ZBTB25: variants seen among roughly 807,000 people sequenced by gnomAD.
The protein encoded by ZBTB25 is zinc finger and BTB domain-containing protein 25.
ZBTB25 carries 20 observed loss-of-function variants against 34.2 expected under a neutral mutation model. The ratio of observed to expected loss-of-function variants is 0.58; its 90% confidence interval spans 0.41 to 0.85. The LOEUF (loss-of-function observed/expected upper bound fraction) is 0.85. Among genes scored for constraint, ZBTB25 ranks in the 40% least tolerant of loss-of-function variants. The pLI is 0.00. For missense variants in ZBTB25, 437 were observed against 521.8 expected (o/e 0.84, Z 1.58); for synonymous variants, 175 against 186.4 (o/e 0.94, Z 0.50).
rs891858580 is a variant in ZBTB25 at position 64,486,850 on chromosome 14, T to C, written c.*73A>G. ...AGTCAATGAAACTTGAGGAGGAAAA[T>C]AATTTATGAATTAAAAATGCCACGC... On this transcript the variant is annotated 3_prime_UTR_variant, in exon 3 of 3. Coordinates refer to ENST00000608382, the MANE Select transcript of ZBTB25 (RefSeq NM_006977.5). 6 of 1,490,518 alleles carry C rather than the reference T, an allele frequency of 4.0e-6. No individual in the cohort carries two copies. In the East Asian group the frequency reaches 9.5e-5, roughly 23 times the overall value. The allele number at this position is 1,490,518 out of a possible 1,614,324, so 92.3% of individuals were successfully genotyped here.
downstream of ZBTB25, among the ~76,000 whole-genome samples, chr14:64,477,179 C>T (rs2141010295): frequency 6.6e-6 from 1 of 152,208 alleles, no homozygotes; most frequent in Non-Finnish European, 1.5e-5. Context: ...AGTGTTTAAA[C>T]CAGGATAAGG....
At chr14:64,498,944 T>C (rs920490853) in intron 1 of ZBTB25, among the ~76,000 whole-genome samples, 1 of 152,212 alleles carries the variant, frequency 6.6e-6, no homozygotes, top group African/African-American at 2.4e-5. Context: ...CAGATTCTTT[T>C]TTTAAAAAGC....
Position 64,485,851 on chromosome 14 carries a change from T to C in ZBTB25, c.*1072A>G. The C allele has an allele frequency of 1.0e-6, 1 of 985,424 alleles. No individual in the cohort carries two copies. Among genetic ancestry groups the C allele is most frequent in the South Asian group, 4.7e-5 (1 of 21,286 alleles). The allele number at this position is 985,424 out of a possible 1,614,324, so 61.0% of individuals were successfully genotyped here. On this transcript the variant is annotated 3_prime_UTR_variant, in exon 3 of 3. Coordinates refer to ENST00000608382, the MANE Select transcript of ZBTB25 (RefSeq NM_006977.5). ...ATCTCAAATTACTTTTTAAGGTGTC[T>C]AAGAAAACACTCTAGACCAAGTTAA... is the stretch of plus-strand genomic sequence containing the variant.
intron 1 of ZBTB25, among the ~76,000 whole-genome samples, chr14:64,501,917 C>G (rs1357988177): frequency 2.0e-5 from 3 of 152,338 alleles, no homozygotes; most frequent in Admixed American, 2.0e-4. Context: ...ATAAATCAGC[C>G]ACAGGCGATT....
chr14:64,450,186 A>G (rs1349352213), intron 2 of ZBTB25, among the ~76,000 whole-genome samples: 2 of 152,224 alleles, frequency 1.3e-5, no homozygotes, highest in Non-Finnish European at 2.9e-5. Flanking sequence ...CTCATATCCT[A>G]ACTTCGAAAA....
At chr14:64,503,878 T>TACGTGCGC (rs1402543284), upstream of ZBTB25, 1 of 152,304 alleles carries the variant, frequency 6.6e-6, no homozygotes, top group Non-Finnish European at 1.5e-5. Context: ...CGTGCGTGCG[T>TACGTGCGC]ACGTGCGCGC....
intron 2 of ZBTB25, among the ~76,000 whole-genome samples, chr14:64,452,537 A>G (rs1322856157): frequency 6.6e-6 from 1 of 152,216 alleles, no homozygotes; most frequent in Non-Finnish European, 1.5e-5. Flanking sequence ...GAAACAGCCC[A>G]TGGGACTGAG....
At chr14:64,475,521 G>A (rs963954601), downstream of ZBTB25, among the ~76,000 whole-genome samples, 2 of 150,670 alleles carry the variant, frequency 1.3e-5, no homozygotes, top group African/African-American at 2.4e-5. Flanking sequence ...GTCCTCACAG[G>A]CAATTCTGCT....
At chr14:64,461,157 C>T (rs1443271721) in intron 2 of ZBTB25, 1 of 152,190 alleles carries the variant, frequency 6.6e-6, no homozygotes, top group Non-Finnish European at 1.5e-5. Flanking sequence ...GATGCTGCAT[C>T]CCACTGGCGC....
intron 1 of ZBTB25, chr14:64,503,187 A>AG (rs1469565873): frequency 5.1e-6 from 5 of 985,284 alleles, no homozygotes; most frequent in Admixed American, 6.1e-5. Context: ...AAGATAGAAA[A>AG]GGGGGGGATG....
chr14:64,501,581 A>G (rs1036933614), intron 1 of ZBTB25, among the ~76,000 whole-genome samples: 2 of 152,232 alleles, frequency 1.3e-5, no homozygotes, highest in Non-Finnish European at 2.9e-5. Context: ...GCTTTTTTAA[A>G]ACAAGGAAAA....
Position 64,465,677 on chromosome 14 carries a change from G to A in ZBTB25, c.174-16039C>T, listed in dbSNP as rs1781806045. The stretch of plus-strand genomic sequence containing the variant: ...GGTCGGGGGCAATGTCCGGTCCGCG[G>A]ACCGCGGAGTGGGCAAGAGGTGCCC... On this transcript the variant is annotated intron_variant, in intron 2 of 2. Coordinates refer to the ZBTB25 transcript ENST00000555220. The A allele has an allele frequency of 2.6e-5, 4 of 152,234 alleles. No individual in the cohort carries two copies. The South Asian group carries it at 6.2e-4, about 24-fold the overall frequency. The allele number at this position is 152,234 out of a possible 1,614,324, so 9.4% of individuals were successfully genotyped here.
chr14:64,464,492 A>G (rs1460324089), intron 2 of ZBTB25, among the ~76,000 whole-genome samples: 2 of 152,242 alleles, frequency 1.3e-5, no homozygotes, highest in Admixed American at 6.5e-5. Context: ...AAACTACAGA[A>G]TCTTACAAAT....
At chr14:64,488,200 G>T (rs927988240) in intron 2 of ZBTB25, 143 bp from the exon 3 acceptor site, 4 of 1,298,812 alleles carry the variant, frequency 3.1e-6, no homozygotes, top group Non-Finnish European at 4.1e-6. Context: ...TGGCAACAAA[G>T]GCTTAAACTT....
At chr14:64,477,732 T>A (rs545136385), downstream of ZBTB25, among the ~76,000 whole-genome samples, 2 of 152,348 alleles carry the variant, frequency 1.3e-5, no homozygotes, top group African/African-American at 4.8e-5. Context: ...AATTTTTTTT[T>A]AATTACCTGC....
intron 2 of ZBTB25, chr14:64,463,078 A>G (rs2078571125): frequency 6.6e-6 from 1 of 152,200 alleles, no homozygotes; most frequent in Non-Finnish European, 1.5e-5. Flanking sequence ...GCAGAAATAC[A>G]TTTATAGCCT....
Position 64,485,943 on chromosome 14 carries a change from T to C in ZBTB25, c.*980A>G. On this transcript the variant is annotated 3_prime_UTR_variant, in exon 3 of 3. Transcript: ENST00000608382. ...CTGTCTCTGCATGCTTATTTATCTATGTGTGTATATCTTACTGTTTCTTAA... is the reference window on the plus strand; with the variant it reads ...CTGTCTCTGCATGCTTATTTATCTACGTGTGTATATCTTACTGTTTCTTAA... 9 of 985,206 alleles carry C rather than the reference T, an allele frequency of 9.1e-6. No homozygotes were observed. The highest frequency in any genetic ancestry group is 1.1e-5 in the Non-Finnish European group (9 of 829,714). The allele number at this position is 985,206 out of a possible 1,614,324, so 61.0% of individuals were successfully genotyped here.
chr14:64,472,608 G>A (rs1334879267), intron 2 of ZBTB25: 1 of 166,970 alleles, frequency 6.0e-6, no homozygotes, highest in African/African-American at 2.4e-5. Context: ...GAGAATATCT[G>A]TTGAATTAAG....
chr14:64,486,431 TTATAACATATG>T lies in ZBTB25; in HGVS notation c.*481_*491del. ...ATATCTTAAAATAAATTTTTATACA[TTATAACATATG>T]TATAACATACAGTTATGCATTAAAG... On this transcript the variant is annotated 3_prime_UTR_variant, in exon 3 of 3. Coordinates refer to ENST00000608382, the MANE Select transcript of ZBTB25 (RefSeq NM_006977.5). 1 of 977,060 alleles carries T rather than the reference TTATAACATATG, an allele frequency of 1.0e-6. No individual in the cohort carries two copies. Among genetic ancestry groups the T allele is most frequent in the Non-Finnish European group, 1.2e-6 (1 of 822,240 alleles). The allele number at this position is 977,060 out of a possible 1,614,324, so 60.5% of individuals were successfully genotyped here. A position where few individuals can be genotyped will look rare whatever the true frequency, so the allele number is the denominator to read the frequency against.
Sources: gnomAD v4.1 joint callset for allele counts (sites outside exome capture counted in the v4.1 genomes callset) on GRCh38, gnomAD v4.1.1 for gene constraint, MANE v1.5 for transcripts, NCBI Gene and HGNC (gene_info 2026-07-23, HGNC 2026-07-21) for gene names.